The following WDPCP variants were observed in gnomAD, a reference collection of about 807,000 sequenced individuals.
WDPCP encodes the protein WD repeat-containing and planar cell polarity effector protein fritz homolog.
In WDPCP, 71 loss-of-function variants were observed where a neutral mutation model predicts 93.1. That is an observed-to-expected ratio of 0.76 (90% CI 0.63 to 0.93). The LOEUF is 0.93. WDPCP is among the 40% of genes least tolerant of loss of function. The pLI is 0.00. For missense variants in WDPCP, 844 were observed against 887.4 expected, an observed-to-expected ratio of 0.95 and a Z score of 0.62; for synonymous variants, 315 against 315.0, an observed-to-expected ratio of 1.00 and a Z score of 0.00.
At chr2:63,394,866 A>G (rs1042261449) in intron 10 of WDPCP, among the ~76,000 whole-genome samples, 1 of 152,142 alleles carries the variant, frequency 6.6e-6, no homozygotes, top group African/African-American at 2.4e-5. Context: ...GAAAGGAACA[A>G]TAGACAACAG....
At chr2:63,379,154 C>A (rs1375736575) in intron 11 of WDPCP, among the ~76,000 whole-genome samples, 1 of 151,994 alleles carries the variant, frequency 6.6e-6, no homozygotes, top group Non-Finnish European at 1.5e-5. Flanking sequence ...GGAAAGGGCA[C>A]ATTTTGCCTG....
intron 1 of WDPCP, among the ~76,000 whole-genome samples, chr2:63,545,242 A>T (rs995456990): frequency 4.0e-5 from 6 of 151,854 alleles, no homozygotes; most frequent in African/African-American, 7.3e-5. Flanking sequence ...AGCCAAATAC[A>T]ATTTGGCTTA....
chr2:63,146,759 G>A (rs1277928078), intron 17 of WDPCP, among the ~76,000 whole-genome samples: 2 of 152,122 alleles, frequency 1.3e-5, no homozygotes, highest in Non-Finnish European at 1.5e-5. Flanking sequence ...ACTTTGAAAT[G>A]TATCAAAAAT....
chr2:63,476,489 C>A, intron 6 of WDPCP, among the ~76,000 whole-genome samples: 1 of 152,070 alleles, frequency 6.6e-6, no homozygotes, highest in East Asian at 1.9e-4. Flanking sequence ...CAAATTTGTT[C>A]TTATTTTATG....
At chr2:63,487,600 G>C in intron 2 of WDPCP, 106 bp from the exon 3 acceptor site, 1 of 771,960 alleles carries the variant, frequency 1.3e-6, no homozygotes, top group Non-Finnish European at 2.2e-6. Context: ...AGCAGAAACA[G>C]TCTCCTTATG....
intron 13 of WDPCP, among the ~76,000 whole-genome samples, chr2:63,285,265 C>A (rs1683895663): frequency 6.6e-6 from 1 of 151,956 alleles, no homozygotes; most frequent in Non-Finnish European, 1.5e-5. Context: ...CCCGGCTCTA[C>A]TAAAAATGCA....
intron 3 of WDPCP, among the ~76,000 whole-genome samples, chr2:63,610,137 C>T (rs1339673434): frequency 6.6e-6 from 1 of 152,066 alleles, no homozygotes; most frequent in Non-Finnish European, 1.5e-5. Flanking sequence ...GTTGTGTCTT[C>T]AAGCAGCATG....
rs1673993547 is a variant in WDPCP at position 63,178,588 on chromosome 2, T to A, written c.1916-3756A>T. ...ACTTTTGATTTTAGTTATTTGAGTC[T>A]TCTCTCTTTTTTTTAATTAGTATAC... On this transcript the variant is annotated intron_variant, in intron 14 of 17. Transcript: ENST00000272321. 3.3e-5 allele frequency among the ~76,000 whole-genome samples: 5 copies of A among 152,262 alleles called. No homozygotes were observed. The South Asian group carries it at 1.0e-3, about 32-fold the overall frequency.
chr2:63,369,384 G>T (rs1465158679), intron 12 of WDPCP: 2 of 456,404 alleles, frequency 4.4e-6, no homozygotes, highest in East Asian at 1.4e-4. Context: ...CAACTGTCTT[G>T]ATCAGGAGTA....
At chr2:63,787,107 C>A (rs1670478895) in intron 2 of WDPCP, among the ~76,000 whole-genome samples, 1 of 152,100 alleles carries the variant, frequency 6.6e-6, no homozygotes, top group Non-Finnish European at 1.5e-5. Flanking sequence ...CTAGGATACC[C>A]TTGGATCCTA....
upstream of WDPCP, chr2:63,589,265 C>CTG (rs1709097546): frequency 6.4e-7 from 1 of 1,551,438 alleles, no homozygotes; most frequent in South Asian, 1.2e-5. Context: ...TAGGAGGACT[C>CTG]TGGAGAAGTA....
intron 2 of WDPCP, among the ~76,000 whole-genome samples, chr2:63,747,051 T>C (rs2103871509): frequency 6.6e-6 from 1 of 152,236 alleles, no homozygotes; most frequent in Non-Finnish European, 1.5e-5. Context: ...TTTCTCAGAC[T>C]GGCTGACACT....
chr2:63,675,598 A>G (rs1009207304), intron 2 of WDPCP, among the ~76,000 whole-genome samples: 1 of 152,072 alleles, frequency 6.6e-6, no homozygotes, highest in African/African-American at 2.4e-5. Context: ...TTTTATATAA[A>G]TTATGCTTAG....
chr2:63,717,347 C>T, intron 2 of WDPCP: 1 of 490,132 alleles, frequency 2.0e-6, no homozygotes, highest in African/African-American at 2.0e-5. Flanking sequence ...ACAATAGGCA[C>T]CAAGGACTGG....
At chr2:63,774,673 A>T (rs1222944267) in intron 2 of WDPCP, among the ~76,000 whole-genome samples, 1 of 152,164 alleles carries the variant, frequency 6.6e-6, no homozygotes, top group Non-Finnish European at 1.5e-5. Flanking sequence ...AATTGCAGTG[A>T]CTTGGCCAAC....
At chr2:63,529,024 T>C (rs1176223016) in intron 1 of WDPCP, among the ~76,000 whole-genome samples, 4 of 152,214 alleles carry the variant, frequency 2.6e-5, no homozygotes, top group African/African-American at 7.2e-5. Context: ...TTGTCTATTA[T>C]TGATGTATAA....
chr2:63,231,331 G>A (rs1678858657), intron 14 of WDPCP, among the ~76,000 whole-genome samples: 1 of 152,124 alleles, frequency 6.6e-6, no homozygotes, highest in African/African-American at 2.4e-5. Context: ...TCTGGCCAGG[G>A]CAATCAGGCA....
At chr2:63,282,515 A>C (rs1683646912) in intron 13 of WDPCP, among the ~76,000 whole-genome samples, 2 of 152,240 alleles carry the variant, frequency 1.3e-5, no homozygotes, top group Middle Eastern at 3.4e-3. Flanking sequence ...ATAAATAAAT[A>C]AACAAACAAA....
intron 2 of WDPCP, chr2:63,684,471 T>C (rs1668777833): frequency 2.6e-6 from 2 of 780,320 alleles, no homozygotes; most frequent in Non-Finnish European, 4.6e-6. Flanking sequence ...GTGATAGCTG[T>C]CATGGGCAAG....
Sources: allele counts gnomAD v4.1 joint callset (sites outside exome capture counted in the v4.1 genomes callset), GRCh38; gene constraint gnomAD v4.1.1; transcripts MANE v1.5; gene names NCBI Gene and HGNC (gene_info 2026-07-23, HGNC 2026-07-21).